Variants in BANK1 observed in about 807,000 individuals in gnomAD.
BANK1 encodes B-cell scaffold protein with ankyrin repeats.
Under a neutral mutation model 94.5 loss-of-function variants are expected in BANK1, and 95 were observed. The ratio of observed to expected loss-of-function variants is 1.00; its 90% CI spans 0.85 to 1.19. The LOEUF is 1.19. Ranked by LOEUF, BANK1 falls within the 50% of genes most tolerant of loss-of-function variation. The pLI, the probability that BANK1 is intolerant of heterozygous loss-of-function variation, is 0.00. For missense variants in BANK1, 987 were observed against 932.2 expected (o/e 1.06, Z -0.77); for synonymous variants, 334 against 308.4 (o/e 1.08, Z -0.87).
At chr4:101,837,175 C>T (rs1726859659) in intron 2 of BANK1, among the ~76,000 whole-genome samples, 1 of 152,076 alleles carries the variant, frequency 6.6e-6, no homozygotes. Context: ...TTTGATTGTT[C>T]ACAAATTTAG....
chr4:101,905,426 C>G (rs2851315), intron 6 of BANK1, among the ~76,000 whole-genome samples: 2 of 152,202 alleles, frequency 1.3e-5, no homozygotes, highest in African/African-American at 4.8e-5. Flanking sequence ...GGCCCCCTCA[C>G]GGTGTTTCCC....
intron 7 of BANK1, among the ~76,000 whole-genome samples, chr4:101,921,919 T>A (rs1289101649): frequency 2.6e-5 from 4 of 151,870 alleles, no homozygotes; most frequent in Admixed American, 2.6e-4. Flanking sequence ...GGAATCTTTC[T>A]ATTGCTCATG....
At chr4:102,059,114 T>C (rs1187328599) in intron 11 of BANK1, among the ~76,000 whole-genome samples, 1 of 152,244 alleles carries the variant, frequency 6.6e-6, no homozygotes, top group African/African-American at 2.4e-5. Flanking sequence ...CTTATTACTG[T>C]AGAATTTGAA....
intron 6 of BANK1, among the ~76,000 whole-genome samples, chr4:101,897,862 T>C (rs1379769802): frequency 6.6e-6 from 1 of 151,880 alleles, no homozygotes; most frequent in Non-Finnish European, 1.5e-5. Flanking sequence ...TATTGAATTT[T>C]GACACAGAAA....
At chr4:102,067,169 C>CT (rs542911929) in intron 13 of BANK1, among the ~76,000 whole-genome samples, 82 of 151,516 alleles carry the variant, frequency 5.4e-4, no homozygotes, top group African/African-American at 1.8e-3. Context: ...TTTAGGAAAC[C>CT]TATAGAGGAA....
At position 102,010,063 on chromosome 4, in the gene BANK1, G is replaced by A. The variant is rs10024626; in HGVS notation, c.1207-11451G>A. 6.7e-3 allele frequency among the ~76,000 whole-genome samples: 1,017 copies of A among 151,844 alleles called. 5 individuals are homozygous for A. Among genetic ancestry groups the A allele is most frequent in the Middle Eastern group, 0.051 (15 of 294 alleles). ...GGGCAGATCACGAAGTCAGGAGATC[G>A]AGACCATCCTGGCTAACACGGTGAA... is the stretch of plus-strand genomic sequence containing the variant. On this transcript the variant is annotated intron_variant, in intron 7 of 16. Transcript: ENST00000322953.
chr4:102,034,271 A>C (rs1043909213), intron 10 of BANK1, among the ~76,000 whole-genome samples: 4 of 152,232 alleles, frequency 2.6e-5, no homozygotes, highest in African/African-American at 9.6e-5. Context: ...CAGAAACTGA[A>C]GAAGTAATGG....
chr4:101,836,504 C>T (rs1487889297), intron 2 of BANK1, among the ~76,000 whole-genome samples: 2 of 152,096 alleles, frequency 1.3e-5, no homozygotes, highest in East Asian at 3.9e-4. Flanking sequence ...GAAACAAAAA[C>T]AAAAAAATTT....
At chr4:101,886,478 T>A (rs17031789) in intron 5 of BANK1, among the ~76,000 whole-genome samples, 10,386 of 152,294 alleles carry the variant, frequency 0.068, 612 homozygotes, top group East Asian at 0.18. Flanking sequence ...CATGGCATCA[T>A]TTATAGAAAG....
At chr4:102,056,961 C>T (rs1156270345) in intron 11 of BANK1, among the ~76,000 whole-genome samples, 3 of 152,084 alleles carry the variant, frequency 2.0e-5, no homozygotes, top group Admixed American at 1.3e-4. Flanking sequence ...GCCGAGATCA[C>T]GCCACTGCAC....
At chr4:101,820,681 A>G (rs1578336174) in intron 1 of BANK1, among the ~76,000 whole-genome samples, 1 of 151,966 alleles carries the variant, frequency 6.6e-6, no homozygotes, top group African/African-American at 2.4e-5. Flanking sequence ...TGTGTTCATA[A>G]ATTCTTATCA....
At chr4:101,965,081 C>G (rs545482382) in intron 7 of BANK1, among the ~76,000 whole-genome samples, 1 of 151,538 alleles carries the variant, frequency 6.6e-6, no homozygotes, top group African/African-American at 2.4e-5. Flanking sequence ...CATGTCCCTA[C>G]AAAGGACATG....
chr4:101,884,353 A>T (rs903377495), intron 5 of BANK1, among the ~76,000 whole-genome samples: 5 of 152,054 alleles, frequency 3.3e-5, no homozygotes, highest in African/African-American at 1.2e-4. Context: ...GTCCTGATTC[A>T]ATTTTTTTTT....
rs146928667 is a variant in BANK1 at position 101,808,487 on chromosome 4, T to C, written c.70+17537T>C. 3.4e-4 allele frequency among the ~76,000 whole-genome samples: 52 copies of C among 152,172 alleles called. No individual in the cohort carries two copies. In the East Asian group the frequency reaches 9.8e-3, roughly 29 times the overall value. On this transcript the variant is annotated intron_variant, in intron 1 of 16. Transcript: ENST00000322953. ...ATATCTACAATGTAAGCTAGAAAAA[T>C]TGTGTCTTTAATGATCACCATTAGG...
At chr4:102,045,772 A>C (rs1727857214) in intron 11 of BANK1, among the ~76,000 whole-genome samples, 1 of 151,432 alleles carries the variant, frequency 6.6e-6, no homozygotes, top group South Asian at 2.1e-4. Flanking sequence ...ACTACAAACC[A>C]CTGCTCAAGG....
At chr4:101,878,108 G>A (rs1251329598) in intron 5 of BANK1, among the ~76,000 whole-genome samples, 1 of 152,070 alleles carries the variant, frequency 6.6e-6, no homozygotes, top group Non-Finnish European at 1.5e-5. Context: ...TTACTTATCA[G>A]TAAAAACCTT....
chr4:102,007,186 A>G (rs1726336318), intron 7 of BANK1, among the ~76,000 whole-genome samples: 1 of 128,624 alleles, frequency 7.8e-6, no homozygotes, highest in African/African-American at 2.9e-5. Context: ...CCTAAAATAG[A>G]ATGCCTGACA....
At chr4:101,794,964 C>T (rs1725104351) in intron 1 of BANK1, among the ~76,000 whole-genome samples, 1 of 152,036 alleles carries the variant, frequency 6.6e-6, no homozygotes, top group South Asian at 2.1e-4. Flanking sequence ...ATTATTAATT[C>T]CCATTGCCTT....
At chr4:101,816,169 C>T (rs62321670) in intron 1 of BANK1, among the ~76,000 whole-genome samples, 11,483 of 152,168 alleles carry the variant, frequency 0.075, 636 homozygotes, top group Admixed American at 0.19. Flanking sequence ...CCGATGTGGT[C>T]AAAGGCTTGT....
Sources: allele counts gnomAD v4.1 joint callset (sites outside exome capture counted in the v4.1 genomes callset), GRCh38; gene constraint gnomAD v4.1.1; transcripts MANE v1.5; gene names NCBI Gene and HGNC (gene_info 2026-07-23, HGNC 2026-07-21).